Variants in SGCD observed in about 807,000 individuals in gnomAD.
SGCD encodes delta-sarcoglycan.
SGCD carries 18 observed loss-of-function variants against 36.6 expected under a neutral mutation model. The ratio of observed to expected loss-of-function variants is 0.49; its 90% CI spans 0.34 to 0.73. The LOEUF is 0.73. SGCD is among the 30% of genes least tolerant of loss of function. The pLI, the probability that SGCD is intolerant of heterozygous loss-of-function variation, is 0.01. For synonymous variants in SGCD, 133 were observed against 130.6 expected (o/e 1.02, Z -0.12); for missense variants, 387 against 346.7 (o/e 1.12, Z -0.92).
chr5:155,753,334 T>TCAAAAAAA, the SGCD span, among the ~76,000 whole-genome samples: 7 of 135,838 alleles, frequency 5.2e-5, no homozygotes, highest in African/African-American at 1.4e-4. Context: ...AGACTTTGTC[T>TCAAAAAAA]AAAAAAAAAA....
intron 3 of SGCD, among the ~76,000 whole-genome samples, chr5:156,189,659 A>T (rs1288615142): frequency 1.3e-5 from 2 of 151,956 alleles, no homozygotes; most frequent in African/African-American, 4.9e-5. Flanking sequence ...AGGGCATGAA[A>T]GGACAAGAAT....
chr5:156,259,224 T>C (rs772154351), intron 3 of SGCD, among the ~76,000 whole-genome samples: 2 of 151,990 alleles, frequency 1.3e-5, no homozygotes, highest in Non-Finnish European at 2.9e-5. Context: ...TTGTTAATGA[T>C]ATGGAGCATC....
At chr5:155,853,081 T>C in the SGCD span, among the ~76,000 whole-genome samples, 1 of 149,472 alleles carries the variant, frequency 6.7e-6, no homozygotes, top group Non-Finnish European at 1.5e-5. Flanking sequence ...ATATAATGGA[T>C]AGAAACATCC....
At chr5:155,969,866 T>G (rs1238926945) in intron 1 of SGCD, among the ~76,000 whole-genome samples, 3 of 152,130 alleles carry the variant, frequency 2.0e-5, no homozygotes, top group Non-Finnish European at 4.4e-5. Flanking sequence ...GTTAATCTCA[T>G]TAGCTCTGCT....
At chr5:156,222,337 A>T (rs372208964) in intron 3 of SGCD, among the ~76,000 whole-genome samples, 1 of 152,232 alleles carries the variant, frequency 6.6e-6, no homozygotes, top group South Asian at 2.1e-4. Context: ...AAGGTAGAAA[A>T]TATCACTAAT....
intron 7 of SGCD, among the ~76,000 whole-genome samples, chr5:156,733,821 G>A (rs1396854235): frequency 1.3e-5 from 2 of 152,070 alleles, no homozygotes; most frequent in Non-Finnish European, 2.9e-5. Flanking sequence ...GCTTTTTAAT[G>A]TTTTCCATTT....
At chr5:156,120,884 C>T (rs1265270107) in intron 2 of SGCD, among the ~76,000 whole-genome samples, 1 of 152,146 alleles carries the variant, frequency 6.6e-6, no homozygotes, top group African/African-American at 2.4e-5. Flanking sequence ...AATGTTGTGT[C>T]TCTTGGCTTC....
Position 156,497,385 on chromosome 5 carries a change from A to C in SGCD, c.193-11216A>C, listed in dbSNP as rs1286444133. On this transcript the variant is annotated intron_variant, in intron 3 of 8. Coordinates refer to ENST00000337851, the MANE Select transcript of SGCD (RefSeq NM_000337.6). ...ATGGGTAATCCCCATTGTTTGATTT[A>C]CTCACGCCCAGAGAAAGTGTAGAGC... Among the ~76,000 whole-genome samples, 3 of 152,198 alleles carry C rather than the reference A, an allele frequency of 2.0e-5. No individual in the cohort carries two copies. The East Asian group carries it at 5.8e-4, about 29-fold the overall frequency.
intron 6 of SGCD, among the ~76,000 whole-genome samples, chr5:156,609,376 A>C (rs1319360006): frequency 6.1e-4 from 92 of 151,820 alleles, no homozygotes; most frequent in African/African-American, 2.4e-5. Flanking sequence ...ATTGGCCCCC[A>C]CTCTCTTCTG....
chr5:156,072,018 G>T (rs746069310), intron 1 of SGCD, among the ~76,000 whole-genome samples: 1 of 152,102 alleles, frequency 6.6e-6, no homozygotes, highest in African/African-American at 2.4e-5. Flanking sequence ...TTGTGCCTAT[G>T]TGCGTCTCTG....
At chr5:155,930,669 A>G (rs1306610336) in intron 1 of SGCD, among the ~76,000 whole-genome samples, 1 of 152,294 alleles carries the variant, frequency 6.6e-6, no homozygotes, top group East Asian at 1.9e-4. Context: ...TCTGTTCCAC[A>G]TTTATTATGT....
intron 3 of SGCD, among the ~76,000 whole-genome samples, chr5:156,269,481 A>G (rs59892075): frequency 1.5e-5 from 2 of 135,246 alleles, no homozygotes; most frequent in Non-Finnish European, 3.1e-5. Context: ...AAAAAAAAAA[A>G]AAAAAAAAAA....
intron 1 of SGCD, among the ~76,000 whole-genome samples, chr5:155,900,096 T>C (rs1268605844): frequency 6.6e-6 from 1 of 152,150 alleles, no homozygotes; most frequent in Admixed American, 6.6e-5. Context: ...ATTTGTGTGA[T>C]TTTTTTGGAT....
intron 3 of SGCD, among the ~76,000 whole-genome samples, chr5:156,169,326 C>A (rs756714062): frequency 6.6e-6 from 1 of 152,208 alleles, no homozygotes; most frequent in African/African-American, 2.4e-5. Flanking sequence ...GGTCTTGTCG[C>A]ATTTCCTCAC....
At chr5:156,623,371 C>A (rs557830086) in intron 6 of SGCD, among the ~76,000 whole-genome samples, 2 of 152,200 alleles carry the variant, frequency 1.3e-5, no homozygotes, top group South Asian at 4.1e-4. Context: ...AATCATGAGC[C>A]CAAATACATC....
At chr5:155,920,798 G>T (rs1756860681) in intron 1 of SGCD, among the ~76,000 whole-genome samples, 2 of 152,160 alleles carry the variant, frequency 1.3e-5, no homozygotes, top group South Asian at 4.1e-4. Context: ...GCTGTCAGCA[G>T]TCAGCATCTT....
intron 1 of SGCD, among the ~76,000 whole-genome samples, chr5:156,112,961 A>G (rs1347265755): frequency 3.3e-5 from 5 of 152,202 alleles, no homozygotes; most frequent in Admixed American, 2.0e-4. Flanking sequence ...TGTGATTTCA[A>G]TGAAGGCTTA....
At position 156,414,979 on chromosome 5, in the gene SGCD, G is replaced by A. The variant is rs112691271; in HGVS notation, c.192+70302G>A. 5.4e-3 allele frequency among the ~76,000 whole-genome samples: 820 copies of A among 152,170 alleles called. 10 individuals are homozygous for A. The highest frequency in any genetic ancestry group is 0.019 in the African/African-American group (776 of 41,504). On this transcript the variant is annotated intron_variant, in intron 3 of 8. Transcript: ENST00000337851. ...ATTTAACTATATTTTTATTATGCCCGCAGAGCAATTGCCAGTATTTTATTC... is the reference window on the plus strand; with the variant it reads ...ATTTAACTATATTTTTATTATGCCCACAGAGCAATTGCCAGTATTTTATTC...
chr5:156,087,057 C>T (rs1479312707), intron 1 of SGCD, among the ~76,000 whole-genome samples: 2 of 152,192 alleles, frequency 1.3e-5, no homozygotes, highest in Non-Finnish European at 2.9e-5. Context: ...GAAAGTCTAT[C>T]TTGCATTCCC....
Sources: allele counts gnomAD v4.1 joint callset (sites outside exome capture counted in the v4.1 genomes callset), GRCh38; gene constraint gnomAD v4.1.1; transcripts MANE v1.5; gene names NCBI Gene and HGNC (gene_info 2026-07-23, HGNC 2026-07-21).